Variants in MBNL2 observed in about 807,000 individuals in gnomAD.
MBNL2 encodes muscleblind-like protein 2.
A neutral mutation model predicts 41.9 loss-of-function variants in MBNL2; 17 were observed. The observed-to-expected ratio is 0.41, with a 90% confidence interval of 0.28 to 0.61. The LOEUF (loss-of-function observed/expected upper bound fraction) is 0.61, where lower values mean the gene tolerates loss of function less well. Among genes scored for constraint, MBNL2 ranks in the 20% least tolerant of loss-of-function variants. The pLI is 0.35. For missense variants in MBNL2, 336 were observed against 505.6 expected, an observed-to-expected ratio of 0.66 and a Z score of 3.22; for synonymous variants, 195 against 182.9, an observed-to-expected ratio of 1.07 and a Z score of -0.53.
intron 7 of MBNL2, 161 bp downstream of exon 7, chr13:97,357,796 A>G: frequency 1.3e-6 from 1 of 751,732 alleles, no homozygotes; most frequent in Non-Finnish European, 2.3e-6. Context: ...CTTACTTTGA[A>G]TGATAGCTAA....
intron 2 of MBNL2, among the ~76,000 whole-genome samples, chr13:97,326,001 G>A (rs2059884747): frequency 6.6e-6 from 1 of 152,140 alleles, no homozygotes; most frequent in African/African-American, 2.4e-5. Flanking sequence ...GTGATAGCAA[G>A]CTATCCTAAA....
intron 1 of MBNL2, among the ~76,000 whole-genome samples, chr13:97,233,171 A>C (rs1224350806): frequency 9.2e-6 from 1 of 108,792 alleles, no homozygotes; most frequent in African/African-American, 3.6e-5. Context: ...ATATATATAT[A>C]TATATCTTTT....
At chr13:97,321,796 C>T (rs1490164415) in intron 2 of MBNL2, among the ~76,000 whole-genome samples, 2 of 152,184 alleles carry the variant, frequency 1.3e-5, no homozygotes, top group African/African-American at 4.8e-5. Context: ...GTGCTGACGG[C>T]ACAGAGTCCC....
intron 8 of MBNL2, among the ~76,000 whole-genome samples, chr13:97,372,657 G>A (rs1235013576): frequency 1.3e-5 from 2 of 152,114 alleles, no homozygotes; most frequent in Admixed American, 6.5e-5. Context: ...TTATCAGAAA[G>A]ATAACATGTA....
chr13:97,193,049 A>AT, the MBNL2 span, among the ~76,000 whole-genome samples: 2 of 152,182 alleles, frequency 1.3e-5, no homozygotes, highest in African/African-American at 2.4e-5. Context: ...GAACCCTGAC[A>AT]TTTTTTTAGC....
chr13:97,263,198 C>A (rs2048991280), intron 1 of MBNL2, among the ~76,000 whole-genome samples: 1 of 152,192 alleles, frequency 6.6e-6, no homozygotes, highest in Non-Finnish European at 1.5e-5. Context: ...TTTGTTCTCA[C>A]CACTGCAGTG....
chr13:97,322,193 G>C (rs779187873), intron 2 of MBNL2, among the ~76,000 whole-genome samples: 1 of 152,146 alleles, frequency 6.6e-6, no homozygotes, highest in Non-Finnish European at 1.5e-5. Context: ...CCTCTTCCCT[G>C]TACCTCTGCT....
chr13:97,372,706 G>A (rs958670872), intron 8 of MBNL2, among the ~76,000 whole-genome samples: 2 of 152,140 alleles, frequency 1.3e-5, no homozygotes, highest in African/African-American at 4.8e-5. Context: ...CAGCTATAAA[G>A]TATTGAAGAG....
At chr13:97,217,166 TAATATA>T (rs2040451292), upstream of MBNL2, among the ~76,000 whole-genome samples, 1 of 150,228 alleles carries the variant, frequency 6.7e-6, no homozygotes, top group African/African-American at 2.4e-5. Context: ...ACATTATACA[TAATATA>T]TATGTCTCTA....
chr13:97,165,032 G>A, the MBNL2 span, among the ~76,000 whole-genome samples: 1 of 152,066 alleles, frequency 6.6e-6, no homozygotes, highest in African/African-American at 2.4e-5. Flanking sequence ...GGCAAAAACC[G>A]ATCTCTACTG....
chr13:97,375,095 TGGA>T (rs1441618966), intron 8 of MBNL2, among the ~76,000 whole-genome samples: 22 of 152,190 alleles, frequency 1.4e-4, no homozygotes, highest in African/African-American at 5.3e-4. Context: ...CAGGTGGATG[TGGA>T]GGACGGACAA....
At chr13:97,338,891 C>A (rs2061129995) in intron 3 of MBNL2, among the ~76,000 whole-genome samples, 1 of 152,170 alleles carries the variant, frequency 6.6e-6, no homozygotes, top group African/African-American at 2.4e-5. Context: ...GGCATTCTCG[C>A]CTACTGACTG....
the MBNL2 span, among the ~76,000 whole-genome samples, chr13:97,156,457 T>A: frequency 6.4e-5 from 9 of 141,282 alleles, no homozygotes; most frequent in Middle Eastern, 0.019. Flanking sequence ...GTTTTAGACA[T>A]GAAGTCCTTG....
the MBNL2 span, among the ~76,000 whole-genome samples, chr13:97,148,402 G>A: frequency 4.0e-5 from 6 of 151,238 alleles, 1 homozygote; most frequent in South Asian, 1.3e-3. Context: ...TTATATATTT[G>A]TCCAAACCCA....
At chr13:97,150,159 A>G in the MBNL2 span, among the ~76,000 whole-genome samples, 2 of 152,220 alleles carry the variant, frequency 1.3e-5, no homozygotes, top group Non-Finnish European at 2.9e-5. Flanking sequence ...CAGAACACAG[A>G]ATAAAAGGAA....
At chr13:97,152,435 A>G in the MBNL2 span, among the ~76,000 whole-genome samples, 2 of 152,144 alleles carry the variant, frequency 1.3e-5, no homozygotes, top group Non-Finnish European at 2.9e-5. Context: ...TTTCACATTA[A>G]AAGTACGGCC....
intron 8 of MBNL2, among the ~76,000 whole-genome samples, chr13:97,368,976 G>T (rs754873833): frequency 6.6e-6 from 1 of 150,708 alleles, no homozygotes; most frequent in Admixed American, 6.6e-5. Flanking sequence ...AGATGTAATA[G>T]TTGCTGCTGG....
chr13:97,214,077 G>A, the MBNL2 span, among the ~76,000 whole-genome samples: 6 of 152,244 alleles, frequency 3.9e-5, no homozygotes, highest in African/African-American at 7.2e-5. Flanking sequence ...AACAAGTTAC[G>A]TTATTCTCAT....
intron 2 of MBNL2, among the ~76,000 whole-genome samples, chr13:97,328,116 A>ACAG (rs1233141435): frequency 6.6e-6 from 1 of 151,922 alleles, no homozygotes; most frequent in Non-Finnish European, 1.5e-5. Context: ...GTGCCCAAGA[A>ACAG]CAGCAGCGCT....
Sources: gnomAD v4.1 joint callset for allele counts (sites outside exome capture counted in the v4.1 genomes callset) on GRCh38, gnomAD v4.1.1 for gene constraint, MANE v1.5 for transcripts, NCBI Gene and HGNC (gene_info 2026-07-23, HGNC 2026-07-21) for gene names.